GABBR2: variants seen among roughly 807,000 people sequenced by gnomAD.
GABBR2 encodes G-protein coupled receptor 51.
A neutral mutation model predicts 105.6 loss-of-function variants in GABBR2; 23 were observed. The observed-to-expected ratio is 0.22, with a 90% CI of 0.16 to 0.31. The LOEUF is 0.31. GABBR2 is among the 10% of genes least tolerant of loss of function. GABBR2 has a pLI of 1.00. For synonymous variants in GABBR2, 478 were observed against 499.7 expected (o/e 0.96, Z 0.58); for missense variants, 734 against 1,245.5 (o/e 0.59, Z 6.18).
rs58779559 is a variant in GABBR2, at chr9:98,641,299, A to AT, written c.322-63228dup. The stretch of plus-strand genomic sequence containing the variant: ...CAGGCACACACCACCATGCCCAGCT[A>AT]TTTTTTTTTTTTTTTTTTAGTAGAG... On this transcript the variant is annotated intron_variant, in intron 1 of 18. Transcript: ENST00000259455. Among the ~76,000 whole-genome samples, 1,213 of 129,282 alleles carry AT rather than the reference A, an allele frequency of 9.4e-3. 21 individuals carry two copies. The highest frequency in any genetic ancestry group is 0.064 in the East Asian group (288 of 4,488). The allele number at this position is 129,282 out of a possible 152,430, so 84.8% of individuals were successfully genotyped here.
intron 13 of GABBR2, among the ~76,000 whole-genome samples, chr9:98,346,795 T>G (rs1831310619): frequency 6.6e-6 from 1 of 152,190 alleles, no homozygotes; most frequent in Non-Finnish European, 1.5e-5. Flanking sequence ...CTCAGTTTTT[T>G]TTTCTGCTTC....
intron 8 of GABBR2, among the ~76,000 whole-genome samples, chr9:98,399,173 G>A (rs2131515981): frequency 6.6e-6 from 1 of 152,184 alleles, no homozygotes; most frequent in Middle Eastern, 3.4e-3. Context: ...GGCCAACATG[G>A]TGAAACCCCG....
At chr9:98,481,678 T>C (rs1164664889) in intron 4 of GABBR2, among the ~76,000 whole-genome samples, 1 of 152,230 alleles carries the variant, frequency 6.6e-6, no homozygotes, top group African/African-American at 2.4e-5. Flanking sequence ...ATGAGGATAA[T>C]GGTAGTACGT....
At chr9:98,642,213 C>A (rs1829973688) in intron 1 of GABBR2, among the ~76,000 whole-genome samples, 1 of 152,206 alleles carries the variant, frequency 6.6e-6, no homozygotes, top group Admixed American at 6.5e-5. Flanking sequence ...CCCCCTCCTC[C>A]CAGAGAGCCA....
chr9:98,450,154 G>T (rs1341179776), intron 7 of GABBR2, among the ~76,000 whole-genome samples: 1 of 152,142 alleles, frequency 6.6e-6, no homozygotes, highest in Admixed American at 6.5e-5. Flanking sequence ...CATGCTAAAT[G>T]AGGGGGCACC....
chr9:98,661,545 C>T (rs1237933284), intron 1 of GABBR2, among the ~76,000 whole-genome samples: 10 of 152,020 alleles, frequency 6.6e-5, no homozygotes, highest in South Asian at 2.1e-4. Flanking sequence ...GGATTACAGG[C>T]GCATACCACC....
rs1167337101 is a variant in GABBR2, at chr9:98,565,827, G to A, written c.459+12108C>T. Among the ~76,000 whole-genome samples, 7 of 152,184 alleles carry A rather than the reference G, an allele frequency of 4.6e-5. No homozygotes were observed. In the East Asian group the frequency reaches 7.7e-4, roughly 17 times the overall value. On this transcript the variant is annotated intron_variant, in intron 2 of 18. Coordinates refer to ENST00000259455, the MANE Select transcript of GABBR2 (RefSeq NM_005458.8). ...CAGCCTATCTGCCCAAGCCTGAGACGCGTACCCGGTATTATTGGTATGTTG... is the reference window on the plus strand; with the variant it reads ...CAGCCTATCTGCCCAAGCCTGAGACACGTACCCGGTATTATTGGTATGTTG...
At chr9:98,686,691 G>A (rs1201812125) in intron 1 of GABBR2, among the ~76,000 whole-genome samples, 1 of 152,098 alleles carries the variant, frequency 6.6e-6, no homozygotes, top group African/African-American at 2.4e-5. Flanking sequence ...CCACTGCACT[G>A]GGCCTAAAAT....
intron 7 of GABBR2, among the ~76,000 whole-genome samples, chr9:98,434,557 T>C (rs1195171708): frequency 1.3e-5 from 2 of 152,084 alleles, no homozygotes; most frequent in Non-Finnish European, 2.9e-5. Flanking sequence ...CGTAACCTCA[T>C]AGAATAAGAA....
intron 1 of GABBR2, among the ~76,000 whole-genome samples, chr9:98,700,407 A>G (rs1331518521): frequency 6.6e-6 from 1 of 152,188 alleles, no homozygotes; most frequent in Non-Finnish European, 1.5e-5. Context: ...ACCTCAGCCA[A>G]TCACTGAGTT....
At chr9:98,694,349 T>C (rs1830722653) in intron 1 of GABBR2, among the ~76,000 whole-genome samples, 1 of 152,242 alleles carries the variant, frequency 6.6e-6, no homozygotes, top group African/African-American at 2.4e-5. Context: ...ATCAATAGCC[T>C]GGCAGTGGAT....
chr9:98,350,092 T>C (rs1831370350), intron 13 of GABBR2, among the ~76,000 whole-genome samples: 1 of 152,114 alleles, frequency 6.6e-6, no homozygotes, highest in African/African-American at 2.4e-5. Flanking sequence ...TCAGTTGTTA[T>C]GTCTCCTTTT....
rs542469439 is a variant in GABBR2, at chr9:98,509,534, C to T, written c.631-13020G>A. 1.6e-3 allele frequency among the ~76,000 whole-genome samples: 238 copies of T among 152,076 alleles called. 1 individual carries two copies. Among genetic ancestry groups the T allele is most frequent in the African/African-American group, 4.8e-3 (199 of 41,490 alleles). On this transcript the variant is annotated intron_variant, in intron 3 of 18. Transcript: ENST00000259455. ...TTAAAAGCTTTGAAAAAAAATTAGA[C>T]GAATGGATAACTAGAATAACCAATG... is the stretch of plus-strand genomic sequence containing the variant.
intron 7 of GABBR2, among the ~76,000 whole-genome samples, chr9:98,452,283 CTG>C (rs1826246125): frequency 6.6e-6 from 1 of 152,232 alleles, no homozygotes; most frequent in Non-Finnish European, 1.5e-5. Context: ...TATTCTGAAT[CTG>C]TAAATTAGAA....
intron 15 of GABBR2, among the ~76,000 whole-genome samples, chr9:98,305,259 G>A (rs573849747): frequency 2.6e-5 from 4 of 152,238 alleles, no homozygotes; most frequent in African/African-American, 9.6e-5. Flanking sequence ...ACATATAAGT[G>A]GCTACTAAAA....
chr9:98,689,058 A>G lies in GABBR2; in HGVS notation c.321+19359T>C, dbSNP rs530643628. Among the ~76,000 whole-genome samples, 4 of 152,310 alleles carry G rather than the reference A, an allele frequency of 2.6e-5. No individual in the cohort carries two copies. In the East Asian group the frequency reaches 7.7e-4, roughly 29 times the overall value. On this transcript the variant is annotated intron_variant, in intron 1 of 18. Coordinates refer to ENST00000259455, the MANE Select transcript of GABBR2 (RefSeq NM_005458.8). ...AGACTCCGGTTCTAGTCCCAGCCCT[A>G]TGCCATCCTATTGTATGGCTTTAGC...
chr9:98,414,389 G>T (rs566543034), intron 7 of GABBR2, among the ~76,000 whole-genome samples: 1 of 152,130 alleles, frequency 6.6e-6, no homozygotes, highest in Admixed American at 6.5e-5. Context: ...AAACAGTGCC[G>T]ATAAAGCTGT....
At chr9:98,365,259 A>C (rs1282833398) in intron 12 of GABBR2, among the ~76,000 whole-genome samples, 2 of 152,228 alleles carry the variant, frequency 1.3e-5, no homozygotes, top group Non-Finnish European at 2.9e-5. Flanking sequence ...GAATAAAATG[A>C]GATGAGGTAT....
At chr9:98,656,065 G>A (rs1243108565) in intron 1 of GABBR2, among the ~76,000 whole-genome samples, 1 of 152,228 alleles carries the variant, frequency 6.6e-6, no homozygotes, top group Non-Finnish European at 1.5e-5. Flanking sequence ...TAAGATTTAA[G>A]TTATGAAAAT....
Sources: allele counts gnomAD v4.1 joint callset (sites outside exome capture counted in the v4.1 genomes callset), GRCh38; gene constraint gnomAD v4.1.1; transcripts MANE v1.5; gene names NCBI Gene and HGNC (gene_info 2026-07-23, HGNC 2026-07-21).